RASGRP3: variants seen among roughly 807,000 people sequenced by gnomAD.
RASGRP3 encodes the protein ras guanyl-releasing protein 3.
Under a neutral mutation model 82.7 loss-of-function variants are expected in RASGRP3, and 54 were observed. That is an observed-to-expected ratio of 0.65 (90% CI 0.52 to 0.82). The LOEUF (loss-of-function observed/expected upper bound fraction) is 0.82. RASGRP3 is among the 40% of genes least tolerant of loss of function. The pLI is 0.00. For synonymous variants in RASGRP3, 309 were observed against 300.5 expected (o/e 1.03, Z -0.29); for missense variants, 861 against 828.9 (o/e 1.04, Z -0.48).
At chr2:33,449,037 A>T (rs1030888686) in intron 2 of RASGRP3, among the ~76,000 whole-genome samples, 16 of 152,244 alleles carry the variant, frequency 1.1e-4, no homozygotes, top group African/African-American at 3.6e-4. Flanking sequence ...TAGAGATTAG[A>T]CATGTTTTTC....
chr2:33,501,705 G>T (rs1438888937), intron 1 of RASGRP3, among the ~76,000 whole-genome samples: 4 of 152,194 alleles, frequency 2.6e-5, no homozygotes, highest in Non-Finnish European at 4.4e-5. Flanking sequence ...AGAGGTGGTA[G>T]CTGAAGCCAC....
chr2:33,557,782 G>T (rs541699607), intron 15 of RASGRP3, among the ~76,000 whole-genome samples: 2 of 152,160 alleles, frequency 1.3e-5, no homozygotes, highest in African/African-American at 4.8e-5. Flanking sequence ...GAGGCAGTTG[G>T]CCTGGGAGAG....
chr2:33,479,935 G>C (rs1333718917), intron 1 of RASGRP3, among the ~76,000 whole-genome samples: 1 of 152,068 alleles, frequency 6.6e-6, no homozygotes, highest in Non-Finnish European at 1.5e-5. Flanking sequence ...AATCAAGCAA[G>C]TATGCCATGT....
chr2:33,487,471 G>A (rs775032795), intron 1 of RASGRP3, among the ~76,000 whole-genome samples: 17 of 152,154 alleles, frequency 1.1e-4, no homozygotes, highest in Non-Finnish European at 2.2e-4. Context: ...AAAGGAGGGA[G>A]TTAAAGAAGT....
chr2:33,483,512 G>C (rs1007375516), intron 1 of RASGRP3, among the ~76,000 whole-genome samples: 2 of 119,444 alleles, frequency 1.7e-5, no homozygotes, highest in Non-Finnish European at 3.4e-5. Flanking sequence ...TTTTTGAGAC[G>C]GATTCTCACT....
At chr2:33,454,543 AG>A (rs1665945744) in intron 2 of RASGRP3, among the ~76,000 whole-genome samples, 1 of 152,230 alleles carries the variant, frequency 6.6e-6, no homozygotes. Context: ...TTCCAGCTGA[AG>A]ACGGGCTTAA....
At chr2:33,445,140 G>C (rs917112408) in intron 1 of RASGRP3, among the ~76,000 whole-genome samples, 1 of 152,166 alleles carries the variant, frequency 6.6e-6, no homozygotes, top group African/African-American at 2.4e-5. Context: ...TATGCCTTGG[G>C]GACTCTCATG....
At chr2:33,504,693 A>C (rs1326918271) in intron 1 of RASGRP3, among the ~76,000 whole-genome samples, 2 of 152,214 alleles carry the variant, frequency 1.3e-5, no homozygotes, top group African/African-American at 2.4e-5. Context: ...TTTGTAGTCC[A>C]GGCTGTGCCT....
chr2:33,538,946 G>A (rs1673939757), intron 11 of RASGRP3, 148 bp from the exon 12 acceptor site: 4 of 592,836 alleles, frequency 6.7e-6, no homozygotes, highest in East Asian at 5.7e-5. Flanking sequence ...GGCTGAGGTG[G>A]AAGGATGGCT....
intron 1 of RASGRP3, among the ~76,000 whole-genome samples, chr2:33,446,141 G>C (rs1215401379): frequency 6.6e-6 from 1 of 152,012 alleles, no homozygotes; most frequent in Non-Finnish European, 1.5e-5. Context: ...CCCAAATAGG[G>C]TAATTTTGTT....
chr2:33,523,458 G>A (rs765059295), intron 7 of RASGRP3, among the ~76,000 whole-genome samples: 73 of 99,670 alleles, frequency 7.3e-4, no homozygotes, highest in Admixed American at 1.1e-3. Context: ...AGCGACAGTC[G>A]GTTAAAAAAA....
At chr2:33,556,928 C>CACACACACACAT (rs1553366467) in intron 15 of RASGRP3, among the ~76,000 whole-genome samples, 30 of 148,418 alleles carry the variant, frequency 2.0e-4, no homozygotes, top group African/African-American at 6.3e-4. Context: ...CACACACACA[C>CACACACACACAT]GCAATTTTAT....
At chr2:33,464,450 T>TGGTGATCTGTGATC (rs1315385621) in intron 2 of RASGRP3, among the ~76,000 whole-genome samples, 11 of 147,428 alleles carry the variant, frequency 7.5e-5, no homozygotes, top group Non-Finnish European at 1.6e-4. Context: ...ATATCTATTT[T>TGGTGATCTGTGATC]GGTGATCTGT....
At chr2:33,499,119 C>T (rs1040879318) in intron 1 of RASGRP3, among the ~76,000 whole-genome samples, 1 of 152,048 alleles carries the variant, frequency 6.6e-6, no homozygotes, top group Non-Finnish European at 1.5e-5. Flanking sequence ...TCATCCCCAA[C>T]CCCCTCCCAT....
At chr2:33,551,421 G>C (rs532118968) in intron 14 of RASGRP3, among the ~76,000 whole-genome samples, 11 of 152,194 alleles carry the variant, frequency 7.2e-5, no homozygotes, top group African/African-American at 2.7e-4. Context: ...TGCATAACAC[G>C]CTCCTACAGA....
chr2:33,486,716 G>A (rs6758071), intron 1 of RASGRP3, among the ~76,000 whole-genome samples: 21,421 of 152,144 alleles, frequency 0.14, 1,711 homozygotes, highest in African/African-American at 0.22. Context: ...CCCTTGGGTT[G>A]GTGACATTTA....
At chr2:33,475,008 A>G (rs983783382), upstream of RASGRP3, among the ~76,000 whole-genome samples, 2 of 152,200 alleles carry the variant, frequency 1.3e-5, no homozygotes, top group Non-Finnish European at 2.9e-5. Flanking sequence ...TCAGATCACA[A>G]AAGTTTCTAT....
At chr2:33,539,306 A>G in intron 12 of RASGRP3, 96 bp downstream of exon 12, 2 of 1,000,032 alleles carry the variant, frequency 2.0e-6, no homozygotes, top group Admixed American at 4.4e-5. Flanking sequence ...GGAACCCCTG[A>G]AAACAACCCT....
At chr2:33,517,918 C>T (rs928881363) in intron 4 of RASGRP3, among the ~76,000 whole-genome samples, 2 of 152,170 alleles carry the variant, frequency 1.3e-5, no homozygotes, top group South Asian at 4.1e-4. Context: ...CCTTTGGATT[C>T]CTTGCTCATG....
Sources: gnomAD v4.1 joint callset for allele counts (sites outside exome capture counted in the v4.1 genomes callset) on GRCh38, gnomAD v4.1.1 for gene constraint, MANE v1.5 for transcripts, NCBI Gene and HGNC (gene_info 2026-07-23, HGNC 2026-07-21) for gene names.